DDX10: variants seen among roughly 807,000 people sequenced by gnomAD.
The protein encoded by DDX10 is DEAD-box helicase 10.
A neutral mutation model predicts 104.3 loss-of-function variants in DDX10; 74 were observed. The ratio of observed to expected loss-of-function variants is 0.71; its 90% CI spans 0.59 to 0.86. DDX10 has a LOEUF of 0.86. DDX10 is among the 40% of genes least tolerant of loss of function. The probability of loss-of-function intolerance (pLI) is 0.00; values close to 1 mark genes in which losing one functional copy is unlikely to be tolerated. For missense variants in DDX10, 952 were observed against 1,040.0 expected (o/e 0.92, Z 1.16); for synonymous variants, 351 against 353.4 (o/e 0.99, Z 0.08).
chr11:108,868,344 G>C (rs1023536204), intron 16 of DDX10: 1 of 151,804 alleles, frequency 6.6e-6, no homozygotes, highest in African/African-American at 2.4e-5. Context: ...TATGGCTGTG[G>C]AAGAGTGAGG....
intron 6 of DDX10, among the ~76,000 whole-genome samples, chr11:108,682,421 T>A (rs559443301): frequency 6.8e-4 from 103 of 152,338 alleles, no homozygotes; most frequent in African/African-American, 2.3e-3. Context: ...AAGTCTAGTT[T>A]GATATTAGTC....
intron 1 of DDX10, among the ~76,000 whole-genome samples, chr11:108,672,257 A>G (rs1215380288): frequency 6.6e-6 from 1 of 151,838 alleles, no homozygotes; most frequent in Non-Finnish European, 1.5e-5. Flanking sequence ...CTTGCTGGGG[A>G]TTGAAGAGTG....
chr11:108,901,296 C>T (rs769213104), intron 16 of DDX10, among the ~76,000 whole-genome samples: 8 of 152,144 alleles, frequency 5.3e-5, no homozygotes, highest in African/African-American at 1.4e-4. Context: ...ATACTTGTTG[C>T]GTGAATTTTT....
intron 9 of DDX10, among the ~76,000 whole-genome samples, chr11:108,695,553 C>T (rs2094258524): frequency 1.3e-5 from 2 of 152,162 alleles, no homozygotes; most frequent in Admixed American, 6.5e-5. Context: ...AGGAAGTCCC[C>T]TTGGCGTTTA....
intron 9 of DDX10, among the ~76,000 whole-genome samples, chr11:108,705,601 TTC>T: frequency 6.6e-6 from 1 of 152,334 alleles, no homozygotes; most frequent in South Asian, 2.1e-4. Context: ...GATTTTCATC[TTC>T]TGTTTCTTTA....
chr11:108,711,692 T>A (rs1436478649), intron 10 of DDX10, among the ~76,000 whole-genome samples: 1 of 152,220 alleles, frequency 6.6e-6, no homozygotes. Flanking sequence ...TGATTTATAT[T>A]ATTTTAATTT....
chr11:108,744,907 A>G (rs935074693), intron 13 of DDX10, among the ~76,000 whole-genome samples: 21 of 152,280 alleles, frequency 1.4e-4, no homozygotes, highest in African/African-American at 5.1e-4. Flanking sequence ...GTTAGATGTG[A>G]TAGGTGAAGA....
At chr11:108,716,692 A>G (rs1435526522) in intron 11 of DDX10, among the ~76,000 whole-genome samples, 1 of 152,208 alleles carries the variant, frequency 6.6e-6, no homozygotes, top group Non-Finnish European at 1.5e-5. Context: ...TGAGATTTTA[A>G]CTTACGTTTA....
At chr11:108,780,468 T>C (rs530162100) in intron 13 of DDX10, among the ~76,000 whole-genome samples, 2 of 152,260 alleles carry the variant, frequency 1.3e-5, no homozygotes, top group South Asian at 4.1e-4. Flanking sequence ...TCTGTCTGTT[T>C]AGGCCAGAAA....
At chr11:108,670,883 C>G (rs902066525) in intron 1 of DDX10, among the ~76,000 whole-genome samples, 1 of 151,790 alleles carries the variant, frequency 6.6e-6, no homozygotes, top group Non-Finnish European at 1.5e-5. Context: ...GTGGAGCATT[C>G]TAGGGCGTTT....
In DDX10 at chr11:108,838,557, G is replaced by T; in HGVS notation, c.2077G>T (p.Glu693Ter). ...GAATAAGAAGATAACATTTACTGAT[G>T]AAGGGGAGGTAAGATTCTAGAAGTG... ...KVNKKITFTD[E>*]GELVQQWPQM... is the part of the protein sequence containing the mutation. Residue 693 changes from glutamate to a stop codon, truncating the protein, a stop_gained, in exon 14 of 18, where the codon GAA becomes TAA. Coordinates refer to ENST00000322536, the MANE Select transcript of DDX10 (RefSeq NM_004398.4). LOFTEE classifies it high-confidence loss of function. 1 of 1,609,330 alleles carries T rather than the reference G, an allele frequency of 6.2e-7. No individual in the cohort carries two copies. The highest frequency in any genetic ancestry group is 1.1e-5 in the South Asian group (1 of 90,022).
intron 11 of DDX10, among the ~76,000 whole-genome samples, chr11:108,716,391 C>T (rs1377365592): frequency 1.3e-5 from 2 of 152,136 alleles, no homozygotes; most frequent in African/African-American, 4.8e-5. Context: ...GCCACTACGC[C>T]TGGCCAGTCT....
At chr11:108,768,183 A>C (rs185759866) in intron 13 of DDX10, among the ~76,000 whole-genome samples, 3 of 152,162 alleles carry the variant, frequency 2.0e-5, no homozygotes, top group South Asian at 2.1e-4. Context: ...TGGAGAGTCA[A>C]AAGTTACATG....
intron 9 of DDX10, among the ~76,000 whole-genome samples, chr11:108,697,931 T>G (rs2094262213): frequency 6.6e-6 from 1 of 152,148 alleles, no homozygotes. Context: ...ATATAACTAT[T>G]TTTTTCCCCC....
At chr11:108,772,301 G>A (rs1348024027) in intron 13 of DDX10, among the ~76,000 whole-genome samples, 1 of 152,204 alleles carries the variant, frequency 6.6e-6, no homozygotes, top group African/African-American at 2.4e-5. Flanking sequence ...TTGAGATAAG[G>A]AGATAATTTT....
In DDX10 at chr11:108,940,251, C is replaced by T. The variant is rs191588784; in HGVS notation, c.2456C>T (p.Thr819Ile). Residue 819 changes from threonine to isoleucine, a missense_variant, in exon 18 of 18, where the codon ACC becomes ATC. Physicochemically the swap from Thr to Ile is moderately conservative, Grantham distance 89 (BLOSUM62 -1). Transcript: ENST00000322536. ...SEDMENKISD[T>I]KKKQGMKKRS... ...TTTGGATTTCTTCTCACCAGTGATA[C>T]CAAGAAGAAGCAGGGGATGAAGAAG... The T allele has an allele frequency of 1.9e-5, 30 of 1,613,472 alleles. No homozygotes were observed. The East Asian group carries it at 2.0e-4, about 11-fold the overall frequency.
intron 13 of DDX10, among the ~76,000 whole-genome samples, chr11:108,764,871 C>T (rs1453732191): frequency 6.6e-6 from 1 of 152,120 alleles, no homozygotes; most frequent in Non-Finnish European, 1.5e-5. Context: ...GAATTGTCAT[C>T]TGTAGTGATT....
chr11:108,838,528 A>C lies in DDX10; in HGVS notation c.2048A>C (p.Lys683Thr). 6.2e-7 allele frequency: 1 copy of C among 1,612,400 alleles called. No homozygotes were observed. The highest frequency in any genetic ancestry group is 8.5e-7 in the Non-Finnish European group (1 of 1,179,250). Residue 683 changes from lysine to threonine, a missense_variant, in exon 14 of 18, where the codon AAA (lysine) becomes ACA (threonine). Transcript: ENST00000322536. ...EAKKVMKRNF[K>T]VNKKITFTDE... is the part of the protein sequence containing the mutation. The stretch of plus-strand genomic sequence containing the variant: ...AAAAAAGTAATGAAGAGAAATTTTA[A>C]AGTGAATAAGAAGATAACATTTACT...
chr11:108,718,231 T>G (rs2094293968), intron 11 of DDX10, among the ~76,000 whole-genome samples: 1 of 152,018 alleles, frequency 6.6e-6, no homozygotes, highest in Admixed American at 6.6e-5. Flanking sequence ...GAACTCCAGG[T>G]CTAGCTTTCT....
Sources: allele counts gnomAD v4.1 joint callset (sites outside exome capture counted in the v4.1 genomes callset), GRCh38; gene constraint gnomAD v4.1.1; transcripts MANE v1.5; gene names NCBI Gene and HGNC (gene_info 2026-07-23, HGNC 2026-07-21).